The following CAMKMT variants were observed in gnomAD, a reference collection of about 807,000 sequenced individuals.
The protein encoded by CAMKMT is CaM KMT.
Under a neutral mutation model 48.0 loss-of-function variants are expected in CAMKMT, and 53 were observed. That is an observed-to-expected ratio of 1.10 (90% CI 0.89 to 1.39). CAMKMT has a LOEUF of 1.39. Ranked by LOEUF, CAMKMT falls within the 40% of genes most tolerant of loss-of-function variation. The pLI is 0.00. For synonymous variants in CAMKMT, 165 were observed against 152.3 expected (o/e 1.08, Z -0.61); for missense variants, 428 against 402.7 (o/e 1.06, Z -0.54).
At position 44,565,754 on chromosome 2, in the gene CAMKMT, C is replaced by G. The variant is rs147949006; in HGVS notation, c.377-138529C>G. Among the ~76,000 whole-genome samples the G allele has an allele frequency of 6.7e-3, 1,007 of 150,494 alleles. 15 individuals carry two copies. Among genetic ancestry groups the G allele is most frequent in the African/African-American group, 0.023 (946 of 41,074 alleles). ...CAGGTGATTTTATGTGGAGCCAAAACCACTGTTTTAAAAGTTTTCCCCATT... is the reference window on the plus strand; with the variant it reads ...CAGGTGATTTTATGTGGAGCCAAAAGCACTGTTTTAAAAGTTTTCCCCATT... On this transcript the variant is annotated intron_variant, in intron 3 of 10. Transcript: ENST00000378494.
chr2:44,555,595 G>A (rs928175194), intron 3 of CAMKMT, among the ~76,000 whole-genome samples: 1 of 152,288 alleles, frequency 6.6e-6, no homozygotes, highest in Non-Finnish European at 1.5e-5. Flanking sequence ...TGATTTGGGA[G>A]TCATCTTCAA....
At chr2:44,529,586 C>T (rs1198989283) in intron 3 of CAMKMT, among the ~76,000 whole-genome samples, 1 of 152,160 alleles carries the variant, frequency 6.6e-6, no homozygotes, top group African/African-American at 2.4e-5. Flanking sequence ...AGGGTTGCTT[C>T]TGAGGTGGCA....
intron 3 of CAMKMT, among the ~76,000 whole-genome samples, chr2:44,490,449 A>AT (rs1669438829): frequency 1.3e-5 from 2 of 151,906 alleles, no homozygotes; most frequent in Middle Eastern, 3.4e-3. Flanking sequence ...CTAATTTTGT[A>AT]TTTTTAGTAG....
chr2:44,378,282 T>C (rs1056945973), intron 2 of CAMKMT, among the ~76,000 whole-genome samples: 3 of 152,354 alleles, frequency 2.0e-5, no homozygotes, highest in South Asian at 4.1e-4. Context: ...CGTGCTTACA[T>C]ATAAATATAC....
intron 3 of CAMKMT, among the ~76,000 whole-genome samples, chr2:44,470,418 C>G (rs1310392772): frequency 6.6e-6 from 1 of 152,174 alleles, no homozygotes; most frequent in Non-Finnish European, 1.5e-5. Flanking sequence ...AGTAGTGTCT[C>G]TCATTTTCAG....
At chr2:44,678,680 T>C (rs79039591) in intron 3 of CAMKMT, among the ~76,000 whole-genome samples, 2 of 152,314 alleles carry the variant, frequency 1.3e-5, no homozygotes, top group East Asian at 3.9e-4. Flanking sequence ...TTATGTTTTG[T>C]GCTTGTATTT....
chr2:44,467,550 A>AC (rs373708842), intron 3 of CAMKMT, among the ~76,000 whole-genome samples: 8 of 145,570 alleles, frequency 5.5e-5, no homozygotes, highest in Non-Finnish European at 8.9e-5. Flanking sequence ...AGAAAAAAAA[A>AC]CAAAAAAAAA....
At chr2:44,640,404 T>C (rs767689605) in intron 3 of CAMKMT, among the ~76,000 whole-genome samples, 1 of 152,150 alleles carries the variant, frequency 6.6e-6, no homozygotes, top group Non-Finnish European at 1.5e-5. Flanking sequence ...GTGCAAAACA[T>C]AGGAATGTCT....
chr2:44,626,065 G>A (rs560025710), intron 3 of CAMKMT, among the ~76,000 whole-genome samples: 1 of 152,292 alleles, frequency 6.6e-6, no homozygotes, highest in Non-Finnish European at 1.5e-5. Context: ...AGGCTGTTGT[G>A]ATTTTAATTG....
At chr2:44,588,857 A>T (rs1428970666) in intron 3 of CAMKMT, among the ~76,000 whole-genome samples, 2 of 23,656 alleles carry the variant, frequency 8.5e-5, no homozygotes, top group Non-Finnish European at 8.5e-5. Flanking sequence ...CCAGCCGCCC[A>T]GTCCGGGAGG....
chr2:44,582,476 A>G (rs562784079), intron 3 of CAMKMT, among the ~76,000 whole-genome samples: 23 of 152,284 alleles, frequency 1.5e-4, no homozygotes, highest in African/African-American at 5.5e-4. Context: ...CTTTCTGCCA[A>G]CTTCTGGGCC....
intron 10 of CAMKMT, among the ~76,000 whole-genome samples, chr2:44,768,361 A>ATATATATATATATATTTTTTTTT (rs35058824): frequency 6.0e-5 from 7 of 115,726 alleles, no homozygotes; most frequent in African/African-American, 2.6e-4. Context: ...ATATATATAT[A>ATATATATATATATATTTTTTTTT]TTTTTTTTTT....
chr2:44,764,708 C>T (rs950360677), intron 9 of CAMKMT, among the ~76,000 whole-genome samples: 3 of 152,172 alleles, frequency 2.0e-5, no homozygotes, highest in African/African-American at 7.2e-5. Flanking sequence ...TATGTTTAAT[C>T]ATCTGTAAAA....
intron 3 of CAMKMT, among the ~76,000 whole-genome samples, chr2:44,630,143 G>A (rs919129335): frequency 4.0e-5 from 6 of 151,892 alleles, no homozygotes; most frequent in East Asian, 1.9e-4. Context: ...TAAGCAATGC[G>A]GAAAGGATTC....
intron 3 of CAMKMT, among the ~76,000 whole-genome samples, chr2:44,416,027 C>T (rs1004687748): frequency 4.6e-5 from 7 of 152,094 alleles, no homozygotes; most frequent in African/African-American, 1.7e-4. Flanking sequence ...ATTCAAAATC[C>T]TTTTAAGATA....
intron 3 of CAMKMT, among the ~76,000 whole-genome samples, chr2:44,481,454 T>C (rs6745781): frequency 0.02 from 3,094 of 152,154 alleles, 115 homozygotes; most frequent in African/African-American, 0.071. Context: ...TATCCTTTCT[T>C]TAAAAATATT....
intron 3 of CAMKMT, among the ~76,000 whole-genome samples, chr2:44,631,099 A>G (rs959222639): frequency 5.3e-5 from 8 of 152,208 alleles, no homozygotes; most frequent in African/African-American, 1.9e-4. Context: ...CCTTTGTAGG[A>G]ACATGGATAA....
chr2:44,514,900 A>G (rs2104779759), intron 3 of CAMKMT, among the ~76,000 whole-genome samples: 1 of 152,350 alleles, frequency 6.6e-6, no homozygotes, highest in African/African-American at 2.4e-5. Flanking sequence ...AAATCATAGG[A>G]TATGGCTGCT....
chr2:44,633,193 G>T (rs1672936521), intron 3 of CAMKMT, among the ~76,000 whole-genome samples: 1 of 152,022 alleles, frequency 6.6e-6, no homozygotes, highest in Non-Finnish European at 1.5e-5. Context: ...TTTGGGGAGT[G>T]GTGATTATAA....
Sources: allele counts gnomAD v4.1 joint callset (sites outside exome capture counted in the v4.1 genomes callset), GRCh38; gene constraint gnomAD v4.1.1; transcripts MANE v1.5; gene names NCBI Gene and HGNC (gene_info 2026-07-23, HGNC 2026-07-21).